The following CLTCL1 variants were observed in gnomAD, a reference collection of about 807,000 sequenced individuals.
The protein encoded by CLTCL1 is clathrin heavy chain like 1, also known as clathrin heavy chain 2.
Under a neutral mutation model 190.0 loss-of-function variants are expected in CLTCL1, and 159 were observed. The observed-to-expected ratio is 0.84, with a 90% CI of 0.74 to 0.95. The LOEUF (loss-of-function observed/expected upper bound fraction) is 0.95. CLTCL1 is among the 40% of genes least tolerant of loss of function. The pLI is 0.00. For synonymous variants in CLTCL1, 752 were observed against 769.6 expected (o/e 0.98, Z 0.38); for missense variants, 1,878 against 2,033.4 (o/e 0.92, Z 1.47).
At chr22:19,193,628 T>C (rs1380620885) in intron 26 of CLTCL1, among the ~76,000 whole-genome samples, 1 of 152,174 alleles carries the variant, frequency 6.6e-6, no homozygotes, top group African/African-American at 2.4e-5. Flanking sequence ...CCCAGCACTT[T>C]GGGAGGCCAA....
intron 27 of CLTCL1, among the ~76,000 whole-genome samples, chr22:19,188,614 CT>C (rs1195452293): frequency 0.017 from 2,301 of 136,968 alleles, 35 homozygotes; most frequent in East Asian, 0.07. Context: ...ATTTCTTTTT[CT>C]TTTTTTTTTT....
chr22:19,248,665 G>C (rs1601640226), intron 3 of CLTCL1, among the ~76,000 whole-genome samples: 1 of 152,282 alleles, frequency 6.6e-6, no homozygotes, highest in East Asian at 1.9e-4. Flanking sequence ...ATAGTATGTG[G>C]TCTTTTGTGA....
chr22:19,243,129 A>G (rs1031514042), intron 3 of CLTCL1, among the ~76,000 whole-genome samples, 193 bp from the exon 4 acceptor site: 19 of 152,192 alleles, frequency 1.2e-4, no homozygotes, highest in Non-Finnish European at 2.1e-4. Context: ...AACACTATGG[A>G]AAAAAATAAG....
At position 19,239,333 on chromosome 22, in the gene CLTCL1, T is replaced by C; in HGVS notation, c.737A>G (p.Lys246Arg). The change falls in exon 5 of 33, where the codon AAA (lysine) becomes AGA (arginine). Residue 246 changes from lysine to arginine, a missense_variant. Physicochemically the swap from Lys to Arg is conservative, Grantham distance 26. Transcript: ENST00000427926. ...PAAGNQPFVK[K>R]AVDVFFPPEA... ...TGGAGGAAAAAACACATCTACTGCT[T>C]TCTTTACAAAAGGTTGGTTTCCCGC... 6.2e-7 allele frequency: 1 copy of C among 1,613,998 alleles called. No homozygotes were observed. The highest frequency in any genetic ancestry group is 8.5e-7 in the Non-Finnish European group (1 of 1,179,896).
Position 19,254,171 on chromosome 22 carries a change from T to C in CLTCL1, c.307A>G (p.Thr103Ala). 1 of 1,613,890 alleles carries C rather than the reference T, an allele frequency of 6.2e-7. No homozygotes were observed. The change falls in exon 3 of 33, where the codon ACT becomes GCT. Residue 103 changes from threonine to alanine, a missense_variant. By Grantham distance (58) the Thr-to-Ala change is moderately conservative. Coordinates refer to ENST00000427926, the MANE Select transcript of CLTCL1 (RefSeq NM_007098.4). ...IEMKSKMKAH[T>A]MAEEVIFWKW... ...CAGAAAATCACTTCTTCTGCCATAG[T>C]ATGAGCCTTCATTTTACTCTTCATC...
At chr22:19,258,875 C>A in intron 2 of CLTCL1, 2 of 473,150 alleles carry the variant, frequency 4.2e-6, no homozygotes, top group East Asian at 3.9e-5. Context: ...AAAAAAAACC[C>A]CAACAATTAA....
chr22:19,275,570 C>G, intron 2 of CLTCL1, 53 bp downstream of exon 2: 1 of 1,500,256 alleles, frequency 6.7e-7, no homozygotes, highest in South Asian at 1.2e-5. Flanking sequence ...TTTAAGGTAA[C>G]AAAGCAGTTA....
chr22:19,186,028 C>T (rs1284353894), intron 29 of CLTCL1, among the ~76,000 whole-genome samples: 1 of 152,192 alleles, frequency 6.6e-6, no homozygotes, highest in Non-Finnish European at 1.5e-5. Context: ...ACAGAACAGT[C>T]CAGAACACTG....
chr22:19,264,792 A>T (rs1569239027), intron 2 of CLTCL1, among the ~76,000 whole-genome samples: 2 of 146,180 alleles, frequency 1.4e-5, no homozygotes, highest in Non-Finnish European at 1.5e-5. Flanking sequence ...ATTTCATGCA[A>T]TTTTTTTTTT....
chr22:19,273,042 C>A (rs1218117193), intron 2 of CLTCL1, among the ~76,000 whole-genome samples: 4 of 152,078 alleles, frequency 2.6e-5, no homozygotes, highest in African/African-American at 7.3e-5. Context: ...ATACAAGGTG[C>A]AGCACCCCCC....
intron 16 of CLTCL1, 92 bp downstream of exon 16, chr22:19,221,859 A>C (rs2085581476): frequency 3.5e-6 from 5 of 1,417,274 alleles, no homozygotes; most frequent in Non-Finnish European, 4.8e-6. Flanking sequence ...ATGAACGACC[A>C]GCTATAGAGA....
Position 19,254,112 on chromosome 22 carries a change from C to G in CLTCL1, c.366G>C (p.Val122=), listed in dbSNP as rs782439882. The stretch of plus-strand genomic sequence containing the variant: ...TCCAGTGGTAGACCGCGGTCTCGGT[C>G]ACCAAGGCAACAGTGTTCACAGAAA... ...KWVSVNTVAL[V]TETAVYHWSM... The change falls in exon 3 of 33, where the codon GTG becomes GTC. Residue 122 remains valine (V), a synonymous_variant. Transcript: ENST00000427926. 1.9e-6 allele frequency: 3 copies of G among 1,613,478 alleles called. No individual in the cohort carries two copies. The highest frequency in any genetic ancestry group is 2.5e-6 in the Non-Finnish European group (3 of 1,179,626).
intron 10 of CLTCL1, among the ~76,000 whole-genome samples, chr22:19,230,985 C>A (rs558078948): frequency 6.8e-4 from 104 of 152,282 alleles, no homozygotes; most frequent in Admixed American, 7.2e-4. Context: ...CCACCTCCTA[C>A]CTTTGGACAT....
chr22:19,191,362 A>G lies in CLTCL1; in HGVS notation c.4265T>C (p.Leu1422Pro), dbSNP rs373116937. Residue 1422 changes from leucine (L) to proline (P), a missense_variant, in exon 27 of 33, where the codon CTG becomes CCG. Leu to Pro is a moderately conservative substitution (Grantham distance 98, BLOSUM62 -3). Transcript: ENST00000427926. Reference protein sequence around the residue: ...LDYKPLLINDLLLVLSPRLDH... With the variant: ...LDYKPLLINDPLLVLSPRLDH... The stretch of plus-strand genomic sequence containing the variant: ...CAGCCGGGGTGAAAGCACCAGCAGC[A>G]GGTCATTGATGAGCAGTGGTTTGTA... 2.5e-6 allele frequency: 4 copies of G among 1,614,046 alleles called. No individual in the cohort carries two copies. The highest frequency in any genetic ancestry group is 3.4e-6 in the Non-Finnish European group (4 of 1,179,904).
At chr22:19,180,174 G>C (rs782343668) in intron 32 of CLTCL1, 25 bp downstream of exon 32, 15 of 1,607,816 alleles carry the variant, frequency 9.3e-6, no homozygotes, top group Non-Finnish European at 1.3e-5. Flanking sequence ...TAGAGGATAA[G>C]CTAGTCTCCA....
chr22:19,273,560 T>C lies in CLTCL1; in HGVS notation c.250+2063A>G, dbSNP rs187922562. Reference sequence around the variant, plus strand: ...AGGGCCCTCTGAGACCACGATCAAGTGAGACACAGCAAGCACAGAAAAAAC... The same window carrying C: ...AGGGCCCTCTGAGACCACGATCAAGCGAGACACAGCAAGCACAGAAAAAAC... On this transcript the variant is annotated intron_variant, in intron 2 of 32. Coordinates refer to ENST00000427926, the MANE Select transcript of CLTCL1 (RefSeq NM_007098.4). Among the ~76,000 whole-genome samples, 173 of 152,110 alleles carry C rather than the reference T, an allele frequency of 1.1e-3. 1 individual carries two copies. Among genetic ancestry groups the C allele is most frequent in the Non-Finnish European group, 1.9e-3 (129 of 68,014 alleles).
rs144258289 is a variant in CLTCL1 at position 19,224,966 on chromosome 22, A to T, written c.2128+487T>A. 5.3e-5 allele frequency among the ~76,000 whole-genome samples: 8 copies of T among 152,292 alleles called. No individual in the cohort carries two copies. The East Asian group carries it at 1.5e-3, about 29-fold the overall frequency. The stretch of plus-strand genomic sequence containing the variant: ...TGCCCTAGAACACTTTTTTGGTGTG[A>T]TGTCCAAGAAGGGGAAAGGAAGACA... On this transcript the variant is annotated intron_variant, in intron 13 of 32. Coordinates refer to ENST00000427926, the MANE Select transcript of CLTCL1 (RefSeq NM_007098.4).
Position 19,256,760 on chromosome 22 carries a change from G to A in CLTCL1, c.251-2533C>T, listed in dbSNP as rs762235777. Among the ~76,000 whole-genome samples, 4 of 151,534 alleles carry A rather than the reference G, an allele frequency of 2.6e-5. 1 individual carries two copies. Among genetic ancestry groups the A allele is most frequent in the South Asian group, 4.2e-4 (2 of 4,802 alleles). On this transcript the variant is annotated intron_variant, in intron 2 of 32. Transcript: ENST00000427926. ...TGCAATCCTTCCATCTCAGCCTGTC[G>A]AAGTGCTGGGATAACAGGTGTGAGC...
At chr22:19,230,097 G>T (rs2800962) in intron 10 of CLTCL1, 122 bp from the exon 11 acceptor site, 54,541 of 560,886 alleles carry the variant, frequency 0.097, 1,896 homozygotes, top group South Asian at 0.15. Flanking sequence ...TCCCTCCCTT[G>T]GTTTTTTTTT....
Sources: allele counts gnomAD v4.1 joint callset (sites outside exome capture counted in the v4.1 genomes callset), GRCh38; gene constraint gnomAD v4.1.1; transcripts MANE v1.5; gene names NCBI Gene and HGNC (gene_info 2026-07-23, HGNC 2026-07-21).